CNST: variants seen among roughly 807,000 people sequenced by gnomAD.
CNST encodes consortin.
A neutral mutation model predicts 72.4 loss-of-function variants in CNST; 39 were observed. The ratio of observed to expected loss-of-function variants is 0.54; its 90% CI spans 0.42 to 0.70. CNST has a LOEUF of 0.70. Among genes scored for constraint, CNST ranks in the 30% least tolerant of loss-of-function variants. The pLI is 0.00. For missense variants in CNST, 871 were observed against 868.5 expected (o/e 1.00, Z -0.04); for synonymous variants, 332 against 320.1 (o/e 1.04, Z -0.40).
intron 6 of CNST, among the ~76,000 whole-genome samples, chr1:246,637,429 G>A (rs1451216681): frequency 6.6e-6 from 1 of 152,236 alleles, no homozygotes; most frequent in African/African-American, 2.4e-5. Flanking sequence ...GACCATGTCT[G>A]GATTAAGGAG....
At chr1:246,589,628 C>G (rs1436367487) in intron 1 of CNST, among the ~76,000 whole-genome samples, 1 of 152,024 alleles carries the variant, frequency 6.6e-6, no homozygotes, top group Non-Finnish European at 1.5e-5. Context: ...GGGTGTATAC[C>G]CAGTAATGGG....
chr1:246,626,646 G>A (rs543347317), intron 3 of CNST, among the ~76,000 whole-genome samples: 26 of 151,686 alleles, frequency 1.7e-4, no homozygotes, highest in Non-Finnish European at 2.9e-4. Context: ...TAGCAGAGAC[G>A]GGGTTTCATC....
chr1:246,653,334 C>T (rs1486643805), intron 9 of CNST, among the ~76,000 whole-genome samples: 1 of 152,148 alleles, frequency 6.6e-6, no homozygotes, highest in Non-Finnish European at 1.5e-5. Flanking sequence ...GATTCTCTTG[C>T]CAAGTGAAGA....
intron 1 of CNST, among the ~76,000 whole-genome samples, chr1:246,567,891 CT>C (rs570077036): frequency 6.6e-6 from 1 of 152,142 alleles, no homozygotes; most frequent in South Asian, 2.1e-4. Context: ...CAGAAATACA[CT>C]TTTTTCCCCC....
intron 9 of CNST, among the ~76,000 whole-genome samples, chr1:246,659,341 TC>T (rs1433679842): frequency 1.3e-5 from 2 of 152,138 alleles, no homozygotes; most frequent in Non-Finnish European, 2.9e-5. Flanking sequence ...ACACCTGTAA[TC>T]CCAGCACTTT....
At chr1:246,622,215 A>T (rs1338196698) in intron 3 of CNST, among the ~76,000 whole-genome samples, 1 of 152,194 alleles carries the variant, frequency 6.6e-6, no homozygotes, top group Non-Finnish European at 1.5e-5. Context: ...TTTGATAAGC[A>T]TCTACCAGGC....
At chr1:246,601,965 C>A (rs935443498) in intron 2 of CNST, among the ~76,000 whole-genome samples, 2 of 152,084 alleles carry the variant, frequency 1.3e-5, no homozygotes, top group African/African-American at 4.8e-5. Flanking sequence ...ATTCTGAATG[C>A]TAATGAGAGA....
intron 3 of CNST, among the ~76,000 whole-genome samples, chr1:246,622,730 C>G (rs1220100863): frequency 7.0e-6 from 1 of 143,622 alleles, no homozygotes; most frequent in African/African-American, 2.5e-5. Context: ...AGCCTTTAGG[C>G]CGGTGGTGAG....
intron 1 of CNST, among the ~76,000 whole-genome samples, chr1:246,581,904 G>A (rs1379295239): frequency 6.6e-6 from 1 of 152,024 alleles, no homozygotes; most frequent in African/African-American, 2.4e-5. Flanking sequence ...TAATATCATA[G>A]GCAAAAGTAT....
intron 1 of CNST, among the ~76,000 whole-genome samples, chr1:246,582,055 G>A (rs1033335255): frequency 6.6e-6 from 1 of 152,042 alleles, no homozygotes; most frequent in Non-Finnish European, 1.5e-5. Flanking sequence ...AGTCAAGTAC[G>A]CAGTTGTTAA....
At chr1:246,634,145 A>T (rs1470307527) in intron 5 of CNST, 135 bp downstream of exon 5, 6 of 648,204 alleles carry the variant, frequency 9.3e-6, no homozygotes, top group Non-Finnish European at 1.4e-5. Context: ...TTGCAAAGAA[A>T]GTAGCATTTT....
At chr1:246,664,473 C>T (rs954796352) in intron 10 of CNST, among the ~76,000 whole-genome samples, 4 of 151,588 alleles carry the variant, frequency 2.6e-5, no homozygotes, top group South Asian at 2.1e-4. Flanking sequence ...GTGGCCCAGG[C>T]TGGAGTGCAG....
At chr1:246,636,294 C>T (rs572168863) in intron 6 of CNST, among the ~76,000 whole-genome samples, 58 of 152,150 alleles carry the variant, frequency 3.8e-4, no homozygotes, top group African/African-American at 1.3e-3. Flanking sequence ...ATATGCACGC[C>T]GTCCCTCTTA....
intron 3 of CNST, among the ~76,000 whole-genome samples, chr1:246,628,298 A>G (rs1472181768): frequency 6.6e-6 from 1 of 152,214 alleles, no homozygotes; most frequent in Non-Finnish European, 1.5e-5. Context: ...GTTGACACTC[A>G]GTATTAACCA....
At chr1:246,620,846 ACT>A (rs540405405) in intron 2 of CNST, among the ~76,000 whole-genome samples, 62 of 146,498 alleles carry the variant, frequency 4.2e-4, no homozygotes, top group Non-Finnish European at 5.6e-4. Context: ...CTCTGGGCAC[ACT>A]CTACAGGGAG....
chr1:246,617,126 T>G (rs1325999142), intron 2 of CNST, among the ~76,000 whole-genome samples: 1 of 152,146 alleles, frequency 6.6e-6, no homozygotes, highest in Non-Finnish European at 1.5e-5. Flanking sequence ...TATTATCCCT[T>G]ACTAAAAAGA....
At chr1:246,618,227 A>G (rs1388693829) in intron 2 of CNST, among the ~76,000 whole-genome samples, 4 of 152,226 alleles carry the variant, frequency 2.6e-5, no homozygotes. Context: ...TCAGAACTAG[A>G]GAACTTCTCT....
intron 9 of CNST, among the ~76,000 whole-genome samples, chr1:246,658,607 G>A (rs534104467): frequency 1.3e-5 from 2 of 152,108 alleles, no homozygotes; most frequent in South Asian, 2.1e-4. Context: ...TATGCATAGC[G>A]CATTATCGAA....
intron 3 of CNST, 111 bp downstream of exon 3, chr1:246,621,745 A>C (rs2103078376): frequency 1.1e-6 from 1 of 948,972 alleles, no homozygotes; most frequent in East Asian, 2.4e-5. Context: ...CTGTAATCCC[A>C]GCATTTTGGG....
Sources: gnomAD v4.1 joint callset for allele counts (sites outside exome capture counted in the v4.1 genomes callset) on GRCh38, gnomAD v4.1.1 for gene constraint, MANE v1.5 for transcripts, NCBI Gene and HGNC (gene_info 2026-07-23, HGNC 2026-07-21) for gene names.